The following NEK1 variants were observed in gnomAD, a reference collection of about 807,000 sequenced individuals.
The protein encoded by NEK1 is NIMA related kinase 1.
In NEK1, 137 loss-of-function variants were observed where a neutral mutation model predicts 182.1. The observed-to-expected ratio is 0.75, with a 90% CI of 0.65 to 0.87. The LOEUF is 0.87. NEK1 is among the 40% of genes least tolerant of loss of function. The pLI is 0.00. For missense variants in NEK1, 1,391 were observed against 1,494.4 expected, an observed-to-expected ratio of 0.93 and a Z score of 1.14; for synonymous variants, 513 against 492.2, an observed-to-expected ratio of 1.04 and a Z score of -0.56.
At chr4:169,515,203 T>C (rs1754957544) in intron 19 of NEK1, among the ~76,000 whole-genome samples, 1 of 152,216 alleles carries the variant, frequency 6.6e-6, no homozygotes, top group South Asian at 2.1e-4. Context: ...GTTTTATAAT[T>C]CAGTATATTA....
chr4:169,474,931 T>C (rs1387564009), intron 26 of NEK1, among the ~76,000 whole-genome samples: 1 of 152,328 alleles, frequency 6.6e-6, no homozygotes, highest in African/African-American at 2.4e-5. Context: ...ATTAGAGTTA[T>C]GCTGCTCCCT....
intron 28 of NEK1, among the ~76,000 whole-genome samples, chr4:169,437,627 C>G (rs1738665744): frequency 1.3e-5 from 2 of 152,150 alleles, no homozygotes; most frequent in Admixed American, 1.3e-4. Flanking sequence ...CCCGGGCCAT[C>G]ACATAAGAAG....
In NEK1 at chr4:169,577,086, G is replaced by A. The variant is rs1040505499; in HGVS notation, c.869-7C>T. 6.2e-7 allele frequency: 1 copy of A among 1,612,870 alleles called. No homozygotes were observed. Among genetic ancestry groups the A allele is most frequent in the African/African-American group, 1.3e-5 (1 of 74,874 alleles). On this transcript the variant is annotated splice_region_variant and splice_polypyrimidine_tract_variant and intron_variant, in intron 11 of 35. Coordinates refer to ENST00000507142, the MANE Select transcript of NEK1 (RefSeq NM_001199397.3). ...CCTGAAGCTGGTCTTTTAGCTAGAT[G>A]AAAAGATACAAAGAATTTTGTCTGC...
intron 33 of NEK1, among the ~76,000 whole-genome samples, chr4:169,400,862 A>G (rs1203639227): frequency 6.6e-6 from 1 of 152,144 alleles, no homozygotes; most frequent in Non-Finnish European, 1.5e-5. Context: ...CTTTTCATGT[A>G]TAGATATAAA....
intron 18 of NEK1, among the ~76,000 whole-genome samples, chr4:169,551,530 T>C (rs558489121): frequency 6.6e-6 from 1 of 152,260 alleles, no homozygotes; most frequent in African/African-American, 2.4e-5. Context: ...TATGTAGATA[T>C]TAAAAAATTG....
rs1201579983 is a variant in NEK1, at chr4:169,555,650, G to A, written c.1562+70C>T. 9 of 1,566,832 alleles carry A rather than the reference G, an allele frequency of 5.7e-6. No homozygotes were observed. In the African/African-American group the frequency reaches 1.2e-4, roughly 21 times the overall value. ...TGGAGAAAACATCCACAAAGTGTAG[G>A]TACTAAGCTATGTATGACAAACGAC... On this transcript the variant is annotated intron_variant, in intron 18 of 35. Transcript: ENST00000507142.
intron 9 of NEK1, 100 bp downstream of exon 9, chr4:169,587,459 A>G: frequency 1.5e-6 from 1 of 667,492 alleles, no homozygotes. Flanking sequence ...AATTTCTAGG[A>G]TGAGGGTTAC....
At chr4:169,475,801 C>G (rs1746842191) in intron 26 of NEK1, among the ~76,000 whole-genome samples, 1 of 152,018 alleles carries the variant, frequency 6.6e-6, no homozygotes, top group Admixed American at 6.6e-5. Flanking sequence ...ACTACAATAT[C>G]TGAGATGAAA....
rs1178060735 is a variant in NEK1, at chr4:169,497,799, T to C, written c.2007+9238A>G. On this transcript the variant is annotated intron_variant, in intron 23 of 35. Transcript: ENST00000507142. The stretch of plus-strand genomic sequence containing the variant: ...TTGTTATAATTTCTGTTCTTTTACA[T>C]TTGCTGAGGAGTGCTTTACTTCCAA... Among the ~76,000 whole-genome samples, 7 of 152,330 alleles carry C rather than the reference T, an allele frequency of 4.6e-5. No homozygotes were observed. In the South Asian group the frequency reaches 1.0e-3, roughly 23 times the overall value.
chr4:169,496,863 C>G (rs912576917), intron 23 of NEK1, among the ~76,000 whole-genome samples: 7 of 152,090 alleles, frequency 4.6e-5, no homozygotes, highest in Non-Finnish European at 8.8e-5. Flanking sequence ...GTCTAAAATT[C>G]TCTTTTTTTG....
intron 5 of NEK1, among the ~76,000 whole-genome samples, chr4:169,593,839 A>T (rs1420558368): frequency 6.6e-6 from 1 of 152,112 alleles, no homozygotes; most frequent in Non-Finnish European, 1.5e-5. Flanking sequence ...ATACAAAAAA[A>T]TTAGCCAGGC....
chr4:169,424,811 A>G lies in NEK1; in HGVS notation c.2975-11T>C. ...CATTGGTTCCAGGCTCTGTGGTAGA[A>G]AGGAGAGATTATGTGGTAAGTCTAT... On this transcript the variant is annotated splice_polypyrimidine_tract_variant and intron_variant, in intron 30 of 35. Transcript: ENST00000507142. 1 of 1,597,384 alleles carries G rather than the reference A, an allele frequency of 6.3e-7. No individual in the cohort carries two copies. The highest frequency in any genetic ancestry group is 8.6e-7 in the Non-Finnish European group (1 of 1,166,956).
At chr4:169,485,577 T>C (rs964614558) in intron 23 of NEK1, among the ~76,000 whole-genome samples, 8 of 152,104 alleles carry the variant, frequency 5.3e-5, no homozygotes, top group Non-Finnish European at 1.0e-4. Context: ...TGAGCAAATA[T>C]GACATATCAC....
At chr4:169,501,624 A>G (rs1284284679) in intron 23 of NEK1, among the ~76,000 whole-genome samples, 4 of 152,202 alleles carry the variant, frequency 2.6e-5, no homozygotes, top group South Asian at 2.1e-4. Flanking sequence ...AAATACATGG[A>G]AAGTAAACAA....
chr4:169,579,237 G>C (rs952925161), intron 11 of NEK1, among the ~76,000 whole-genome samples: 4 of 152,154 alleles, frequency 2.6e-5, no homozygotes, highest in Non-Finnish European at 5.9e-5. Flanking sequence ...CTCCTATTAA[G>C]CATTTCATTC....
chr4:169,402,344 C>T (rs1300661023), intron 32 of NEK1, among the ~76,000 whole-genome samples: 3 of 152,168 alleles, frequency 2.0e-5, no homozygotes. Flanking sequence ...GCCCATTGGG[C>T]ATTTGAACTT....
intron 18 of NEK1, 103 bp downstream of exon 18, chr4:169,555,617 G>C: frequency 6.7e-7 from 1 of 1,484,788 alleles, no homozygotes. Context: ...AACATCATAT[G>C]TGAACAATGG....
chr4:169,607,025 A>G (rs1346253913), intron 2 of NEK1, among the ~76,000 whole-genome samples: 2 of 152,228 alleles, frequency 1.3e-5, no homozygotes, highest in African/African-American at 4.8e-5. Flanking sequence ...AATCCTGAAG[A>G]GGAAAAATAA....
chr4:169,590,288 A>G (rs551149006), intron 6 of NEK1, among the ~76,000 whole-genome samples: 1 of 151,976 alleles, frequency 6.6e-6, no homozygotes, highest in African/African-American at 2.4e-5. Flanking sequence ...CAGCCTGGGC[A>G]AAAGAGCGAG....
Sources: gnomAD v4.1 joint callset for allele counts (sites outside exome capture counted in the v4.1 genomes callset) on GRCh38, gnomAD v4.1.1 for gene constraint, MANE v1.5 for transcripts, NCBI Gene and HGNC (gene_info 2026-07-23, HGNC 2026-07-21) for gene names.